Variants in CNTRL observed in about 807,000 individuals in gnomAD.
CNTRL encodes 110 kDa centrosomal protein.
CNTRL carries 233 observed loss-of-function variants against 303.7 expected under a neutral mutation model. The observed-to-expected ratio is 0.77, with a 90% CI of 0.69 to 0.86. The LOEUF (loss-of-function observed/expected upper bound fraction) is 0.86. Among genes scored for constraint, CNTRL ranks in the 40% least tolerant of loss-of-function variants. CNTRL has a pLI of 0.00. For synonymous variants in CNTRL, 900 were observed against 922.2 expected, an observed-to-expected ratio of 0.98 and a Z score of 0.44; for missense variants, 2,524 against 2,650.6, an observed-to-expected ratio of 0.95 and a Z score of 1.05.
chr9:121,129,339 G>A (rs1358858429), intron 14 of CNTRL, among the ~76,000 whole-genome samples: 1 of 151,682 alleles, frequency 6.6e-6, no homozygotes, highest in Non-Finnish European at 1.5e-5. Flanking sequence ...TGTAGTTCTT[G>A]AAGACGTCCT....
chr9:121,151,384 CTTCTTTTTTT>C (rs1283148120), intron 25 of CNTRL, among the ~76,000 whole-genome samples: 3 of 91,526 alleles, frequency 3.3e-5, no homozygotes, highest in Non-Finnish European at 6.5e-5. Flanking sequence ...CTTTTTTCTT[CTTCTTTTTTT>C]TTTTTTTTTT....
chr9:121,175,390 C>T, intron 43 of CNTRL, 166 bp downstream of exon 43: 1 of 666,318 alleles, frequency 1.5e-6, no homozygotes. Context: ...CCTCAGCCTC[C>T]CATGTAGCTG....
At chr9:121,166,272 C>A in intron 36 of CNTRL, 92 bp downstream of exon 36, 1 of 840,002 alleles carries the variant, frequency 1.2e-6, no homozygotes, top group Non-Finnish European at 1.9e-6. Flanking sequence ...GCTGGTTCCT[C>A]TTCACAACAG....
At position 121,125,937 on chromosome 9, in the gene CNTRL, G is replaced by GT; in HGVS notation, c.2025+2dup. The GT allele has an allele frequency of 6.2e-7, 1 of 1,612,926 alleles. No homozygotes were observed. Among genetic ancestry groups the GT allele is most frequent in the South Asian group, 1.1e-5 (1 of 91,042 alleles). On this transcript the variant is annotated splice_donor_variant, in intron 14 of 43. Coordinates refer to ENST00000373855, the MANE Select transcript of CNTRL (RefSeq NM_007018.6). LOFTEE classifies it high-confidence loss of function. ...CATGGATGCAGAAAATATGAGGAAG[G>GT]TATGATTTTTTTCCTGCCTATTTTC...
intron 10 of CNTRL, 147 bp downstream of exon 10, chr9:121,113,871 C>T: frequency 2.0e-6 from 1 of 512,048 alleles, no homozygotes; most frequent in East Asian, 3.2e-5. Flanking sequence ...GATTATCAAG[C>T]AGATTTATCG....
Position 121,150,212 on chromosome 9 carries a change from AT to A in CNTRL, c.3693del (p.Asp1231GlufsTer15). On this transcript the variant is annotated frameshift_variant, in exon 25 of 44. Coordinates refer to ENST00000373855, the MANE Select transcript of CNTRL (RefSeq NM_007018.6). LOFTEE classifies it high-confidence loss of function. ...GATAGTCAGGAAGAGAGTGAGCTGG[AT>A]GACCAAGAAGAACCCCCATTTGTGC... ...GGDSQEESELDDQEEPPFVPP... is the reference protein window; with the variant it reads ...GGDSQEESELXDQEEPPFVPP... 1 of 1,613,872 alleles carries A rather than the reference AT, an allele frequency of 6.2e-7. No homozygotes were observed. Among genetic ancestry groups the A allele is most frequent in the South Asian group, 1.1e-5 (1 of 91,060 alleles).
intron 37 of CNTRL, 120 bp downstream of exon 37, chr9:121,167,797 C>A (rs868555845): frequency 2.4e-6 from 2 of 841,058 alleles, no homozygotes; most frequent in Non-Finnish European, 1.9e-6. Flanking sequence ...CCCTTAACTG[C>A]CCTGTGTAGC....
In CNTRL at chr9:121,166,148, A is replaced by G. The variant is rs746683683; in HGVS notation, c.5623A>G (p.Asn1875Asp). Residue 1875 changes from asparagine (N) to aspartate (D), a missense_variant, in exon 36 of 44, where the codon AAT becomes GAT. Physicochemically the swap from Asn to Asp is conservative, Grantham distance 23. Coordinates refer to ENST00000373855, the MANE Select transcript of CNTRL (RefSeq NM_007018.6). ...AVNSLQEELA[N>D]VQDHLNLAKQ... Reference sequence around the variant, plus strand: ...AAACTCACTGCAGGAGGAACTAGCTAATGTCCAAGACCATTTGAACCTAGC... The same window carrying G: ...AAACTCACTGCAGGAGGAACTAGCTGATGTCCAAGACCATTTGAACCTAGC... The G allele has an allele frequency of 1.1e-5, 18 of 1,612,414 alleles. No homozygotes were observed. The South Asian group carries it at 1.9e-4, about 17-fold the overall frequency.
chr9:121,094,213 A>G (rs986692055), intron 4 of CNTRL, among the ~76,000 whole-genome samples: 5 of 151,496 alleles, frequency 3.3e-5, no homozygotes, highest in African/African-American at 1.2e-4. Context: ...AGACTGGGTA[A>G]TTTATAAAGA....
intron 22 of CNTRL, 80 bp downstream of exon 22, chr9:121,145,465 C>A (rs1175484419): frequency 1.4e-6 from 2 of 1,398,476 alleles, no homozygotes; most frequent in Non-Finnish European, 1.9e-6. Flanking sequence ...TTACCTTTAA[C>A]TGTTACAAAT....
intron 15 of CNTRL, among the ~76,000 whole-genome samples, chr9:121,136,805 T>C (rs1032560189): frequency 1.3e-5 from 2 of 152,204 alleles, no homozygotes; most frequent in East Asian, 1.9e-4. Context: ...CCTGTGGAGC[T>C]GACAGATCTC....
Position 121,144,957 on chromosome 9 carries a change from C to T in CNTRL, c.3166C>T (p.Gln1056Ter). 1.2e-6 allele frequency: 2 copies of T among 1,611,074 alleles called. No individual in the cohort carries two copies. Among genetic ancestry groups the T allele is most frequent in the South Asian group, 2.2e-5 (2 of 90,980 alleles). The stretch of plus-strand genomic sequence containing the variant: ...GAATCTCCTCAGGCAGAAGGGGGAG[C>T]AGGTCAGTGTTGGTACCCAGAGACC... The part of the protein sequence containing the change: ...LQNLLRQKGE[Q>*]FRLEMEKTGV... The change falls in exon 21 of 44, where the codon CAG becomes TAG. Residue 1056 changes from glutamine to a stop codon, truncating the protein, a stop_gained and splice_region_variant. Transcript: ENST00000373855. LOFTEE classifies it high-confidence loss of function.
Position 121,173,688 on chromosome 9 carries a change from G to T in CNTRL, c.6698G>T (p.Arg2233Leu). The change falls in exon 42 of 44, where the codon CGT (arginine) becomes CTT (leucine). Residue 2233 changes from arginine to leucine, a missense_variant. Transcript: ENST00000373855. ...SQVHIMDEHW[R>L]GEALREKLRH... is the part of the protein sequence containing the mutation. ...CCTCTGAGAAAGGATGAACACTGGC[G>T]TGGAGAAGCACTCCGGGAGAAACTG... The T allele has an allele frequency of 6.2e-7, 1 of 1,614,116 alleles. No individual in the cohort carries two copies. The highest frequency in any genetic ancestry group is 8.5e-7 in the Non-Finnish European group (1 of 1,179,990).
At chr9:121,133,316 G>A (rs2050982028) in intron 14 of CNTRL, among the ~76,000 whole-genome samples, 1 of 152,232 alleles carries the variant, frequency 6.6e-6, no homozygotes, top group African/African-American at 2.4e-5. Context: ...GAGCTTCCTG[G>A]CTGCTGTGTT....
rs188520850 is a variant in CNTRL at position 121,138,907 on chromosome 9, T to C, written c.2337+228T>C. On this transcript the variant is annotated intron_variant, in intron 16 of 43. Transcript: ENST00000373855. Reference sequence around the variant, plus strand: ...TTGTTTTTATGATGGTGCAAAGAGATAGAGGCAGTGTCAGTAGTAAACAAT... The same window carrying C: ...TTGTTTTTATGATGGTGCAAAGAGACAGAGGCAGTGTCAGTAGTAAACAAT... Among the ~76,000 whole-genome samples, 194 of 152,300 alleles carry C rather than the reference T, an allele frequency of 1.3e-3. 1 individual carries two copies. The highest frequency in any genetic ancestry group is 4.3e-3 in the African/African-American group (177 of 41,570).
Position 121,096,406 on chromosome 9 carries a change from A to G in CNTRL, c.480-16A>G, listed in dbSNP as rs1469304953. Reference sequence around the variant, plus strand: ...AATTGTACTCACTAAATTTTATTTTATCCTTTGCTTTCCAGCAAAATTGAA... The same window carrying G: ...AATTGTACTCACTAAATTTTATTTTGTCCTTTGCTTTCCAGCAAAATTGAA... On this transcript the variant is annotated splice_polypyrimidine_tract_variant and intron_variant, in intron 5 of 43. Transcript: ENST00000373855. 6.7e-7 allele frequency: 1 copy of G among 1,486,372 alleles called. No homozygotes were observed. Among genetic ancestry groups the G allele is most frequent in the Non-Finnish European group, 9.0e-7 (1 of 1,108,514 alleles). The allele number at this position is 1,486,372 out of a possible 1,614,324, so 92.1% of individuals were successfully genotyped here. A position where few individuals can be genotyped will look rare whatever the true frequency, so the allele number is the denominator to read the frequency against.
At chr9:121,121,458 C>G (rs1368361897) in intron 12 of CNTRL, among the ~76,000 whole-genome samples, 1 of 152,190 alleles carries the variant, frequency 6.6e-6, no homozygotes, top group Non-Finnish European at 1.5e-5. Context: ...TAAGCCTAGG[C>G]AGGTTTTCAG....
rs545171270 is a variant in CNTRL at position 121,079,326 on chromosome 9, G to T, written c.-204-980G>T. Reference sequence around the variant, plus strand: ...CTGATCCATATGTATAGTTTAATATGAGAAAATGAAGGAAAAAGTACAGAT... The same window carrying T: ...CTGATCCATATGTATAGTTTAATATTAGAAAATGAAGGAAAAAGTACAGAT... On this transcript the variant is annotated intron_variant, in intron 1 of 43. Coordinates refer to ENST00000373855, the MANE Select transcript of CNTRL (RefSeq NM_007018.6). Among the ~76,000 whole-genome samples, 10 of 152,198 alleles carry T rather than the reference G, an allele frequency of 6.6e-5. No individual in the cohort carries two copies. In the South Asian group the frequency reaches 1.9e-3, roughly 28 times the overall value.
chr9:121,138,309 G>T (rs1293931809), intron 15 of CNTRL, among the ~76,000 whole-genome samples: 7 of 152,204 alleles, frequency 4.6e-5, no homozygotes, highest in Non-Finnish European at 1.0e-4. Flanking sequence ...TTCTGATTTG[G>T]TGTATTTGGG....
Sources: gnomAD v4.1 joint callset for allele counts (sites outside exome capture counted in the v4.1 genomes callset) on GRCh38, gnomAD v4.1.1 for gene constraint, MANE v1.5 for transcripts, NCBI Gene and HGNC (gene_info 2026-07-23, HGNC 2026-07-21) for gene names.